The following ERBB4 variants were observed in gnomAD, a reference collection of about 807,000 sequenced individuals.
ERBB4 encodes the protein receptor tyrosine-protein kinase erbB-4.
A neutral mutation model predicts 158.0 loss-of-function variants in ERBB4; 42 were observed. The observed-to-expected ratio is 0.27, with a 90% CI of 0.21 to 0.34. The LOEUF (loss-of-function observed/expected upper bound fraction) is 0.34, where lower values mean the gene tolerates loss of function less well. Ranked by LOEUF, ERBB4 falls within the 10% of genes least tolerant of loss-of-function variation. The pLI, the probability that ERBB4 is intolerant of heterozygous loss-of-function variation, is 1.00. For missense variants in ERBB4, 1,333 were observed against 1,624.1 expected (o/e 0.82, Z 3.08); for synonymous variants, 583 against 558.7 (o/e 1.04, Z -0.61).
intron 20 of ERBB4, among the ~76,000 whole-genome samples, chr2:211,481,009 T>G (rs2125547672): frequency 6.6e-6 from 1 of 152,326 alleles, no homozygotes; most frequent in East Asian, 1.9e-4. Flanking sequence ...ACATAACTGC[T>G]TGATGCACTT....
intron 1 of ERBB4, among the ~76,000 whole-genome samples, chr2:212,441,164 T>C (rs1247130241): frequency 6.6e-6 from 1 of 152,122 alleles, no homozygotes; most frequent in African/African-American, 2.4e-5. Context: ...CTGATGAAGC[T>C]GGGGATACTG....
intron 25 of ERBB4, among the ~76,000 whole-genome samples, chr2:211,410,332 C>G (rs896847330): frequency 1.3e-5 from 2 of 152,138 alleles, no homozygotes; most frequent in Non-Finnish European, 2.9e-5. Flanking sequence ...GGAGTAAAAT[C>G]ATTGTGATTT....
chr2:211,545,772 G>A (rs1486775005), intron 20 of ERBB4, among the ~76,000 whole-genome samples: 1 of 152,050 alleles, frequency 6.6e-6, no homozygotes, highest in Non-Finnish European at 1.5e-5. Context: ...GGGTGATGTA[G>A]TATTGTAATT....
At chr2:212,335,211 AGAG>A (rs1036127514) in intron 1 of ERBB4, among the ~76,000 whole-genome samples, 2 of 151,956 alleles carry the variant, frequency 1.3e-5, no homozygotes, top group East Asian at 3.9e-4. Flanking sequence ...AATTGTATAA[AGAG>A]GAGCTACATA....
intron 3 of ERBB4, among the ~76,000 whole-genome samples, chr2:211,815,682 A>G (rs1272152680): frequency 6.6e-6 from 1 of 152,220 alleles, no homozygotes; most frequent in African/African-American, 2.4e-5. Flanking sequence ...TAGATGGCCA[A>G]TGAAGCATTG....
intron 1 of ERBB4, among the ~76,000 whole-genome samples, chr2:212,179,324 T>G (rs2081778789): frequency 8.0e-6 from 1 of 125,602 alleles, no homozygotes; most frequent in South Asian, 2.8e-4. Context: ...CACAGTCCAA[T>G]CCAGAAAACA....
At position 212,257,424 on chromosome 2, in the gene ERBB4, A is replaced by T. The variant is rs544732186; in HGVS notation, c.83-132521T>A. On this transcript the variant is annotated intron_variant, in intron 1 of 27. Coordinates refer to ENST00000342788, the MANE Select transcript of ERBB4 (RefSeq NM_005235.3). ...TAATTCTAACAAAGAATCATTAATA[A>T]TCAGCAAACTAACTCTTTTGTTATC... Among the ~76,000 whole-genome samples the T allele has an allele frequency of 2.0e-5, 3 of 152,288 alleles. No homozygotes were observed. The South Asian group carries it at 6.2e-4, about 32-fold the overall frequency.
intron 5 of ERBB4, among the ~76,000 whole-genome samples, chr2:211,730,672 C>G (rs536944256): frequency 5.0e-4 from 76 of 152,104 alleles, no homozygotes; most frequent in African/African-American, 1.8e-3. Context: ...ATTAAGCTCC[C>G]AGGTAATGTC....
At chr2:211,428,356 A>G (rs1263522706) in intron 22 of ERBB4, 52 bp downstream of exon 22, 1 of 958,408 alleles carries the variant, frequency 1.0e-6, no homozygotes, top group Non-Finnish European at 1.7e-6. Context: ...CATGAACTTA[A>G]CATATGTATT....
chr2:212,507,185 C>A (rs1335641167), intron 1 of ERBB4, among the ~76,000 whole-genome samples: 4 of 151,844 alleles, frequency 2.6e-5, no homozygotes, highest in African/African-American at 9.7e-5. Flanking sequence ...ATATTTTAAA[C>A]CTACTATTGG....
At chr2:211,905,646 T>G (rs1419504282) in intron 3 of ERBB4, among the ~76,000 whole-genome samples, 1 of 25,138 alleles carries the variant, frequency 4.0e-5, no homozygotes, top group Admixed American at 4.9e-4. Flanking sequence ...GTAGGAAGGA[T>G]CATATATATA....
At chr2:212,274,776 T>A (rs1462813585) in intron 1 of ERBB4, among the ~76,000 whole-genome samples, 1 of 151,842 alleles carries the variant, frequency 6.6e-6, no homozygotes, top group Non-Finnish European at 1.5e-5. Flanking sequence ...AACTTTTTCT[T>A]AATTTTTTTA....
chr2:212,379,166 G>T (rs1053114706), intron 1 of ERBB4, among the ~76,000 whole-genome samples: 1 of 151,738 alleles, frequency 6.6e-6, no homozygotes, highest in African/African-American at 2.4e-5. Flanking sequence ...ATTATCTAAA[G>T]AGGGGGAACA....
rs542853816 is a variant in ERBB4 at position 211,506,628 on chromosome 2, G to A, written c.2487+55275C>T. ...TAACTCAATATTACAAAAGTACATG[G>A]AAACTAAACAACTTATTTCTGAATG... On this transcript the variant is annotated intron_variant, in intron 20 of 27. Coordinates refer to ENST00000342788, the MANE Select transcript of ERBB4 (RefSeq NM_005235.3). Among the ~76,000 whole-genome samples the A allele has an allele frequency of 6.0e-4, 91 of 152,076 alleles. 2 individuals carry two copies. The highest frequency in any genetic ancestry group is 6.5e-4 in the Non-Finnish European group (44 of 67,992).
At chr2:212,428,784 G>T (rs2091966864) in intron 1 of ERBB4, among the ~76,000 whole-genome samples, 1 of 152,006 alleles carries the variant, frequency 6.6e-6, no homozygotes, top group Non-Finnish European at 1.5e-5. Flanking sequence ...CCATGCATTT[G>T]TTATCAAGAA....
At chr2:212,533,490 G>A (rs1692867308) in intron 1 of ERBB4, among the ~76,000 whole-genome samples, 2 of 152,160 alleles carry the variant, frequency 1.3e-5, no homozygotes, top group Non-Finnish European at 2.9e-5. Flanking sequence ...TAAACAATGT[G>A]ACTACGTCCC....
chr2:212,375,744 G>T (rs2090296621), intron 1 of ERBB4, among the ~76,000 whole-genome samples: 1 of 152,062 alleles, frequency 6.6e-6, no homozygotes, highest in African/African-American at 2.4e-5. Flanking sequence ...ATAGTTTGAG[G>T]CATTAAGAAG....
intron 1 of ERBB4, among the ~76,000 whole-genome samples, chr2:212,267,354 T>C (rs145647925): frequency 6.6e-5 from 10 of 151,996 alleles, no homozygotes; most frequent in African/African-American, 2.4e-4. Context: ...TACATAGTGA[T>C]TGGAGGCTCA....
At chr2:211,968,674 T>C (rs1334068458) in intron 2 of ERBB4, among the ~76,000 whole-genome samples, 2 of 152,016 alleles carry the variant, frequency 1.3e-5, no homozygotes, top group African/African-American at 2.4e-5. Flanking sequence ...CATAAAGTCA[T>C]AAGGGAATTC....
Sources: gnomAD v4.1 joint callset for allele counts (sites outside exome capture counted in the v4.1 genomes callset) on GRCh38, gnomAD v4.1.1 for gene constraint, MANE v1.5 for transcripts, NCBI Gene and HGNC (gene_info 2026-07-23, HGNC 2026-07-21) for gene names.